The following PTGFRN variants were observed in gnomAD, a reference collection of about 807,000 sequenced individuals.
PTGFRN encodes prostaglandin F2 receptor negative regulator.
A neutral mutation model predicts 83.2 loss-of-function variants in PTGFRN; 35 were observed. The observed-to-expected ratio is 0.42, with a 90% CI of 0.32 to 0.56. The LOEUF is 0.56. Ranked by LOEUF, PTGFRN falls within the 20% of genes least tolerant of loss-of-function variation. The pLI is 0.11. For missense variants in PTGFRN, 1,051 were observed against 1,179.5 expected, an observed-to-expected ratio of 0.89 and a Z score of 1.60; for synonymous variants, 519 against 498.6, an observed-to-expected ratio of 1.04 and a Z score of -0.55.
chr1:116,976,838 A>C (rs537800103), intron 7 of PTGFRN, among the ~76,000 whole-genome samples: 1 of 152,342 alleles, frequency 6.6e-6, no homozygotes, highest in South Asian at 2.1e-4. Context: ...TAACTAGCTA[A>C]CATCATAATG....
Position 116,961,571 on chromosome 1 carries a change from C to T in PTGFRN, c.1542C>T (p.Tyr514=), listed in dbSNP as rs6658749. The T allele has an allele frequency of 3.6e-3, 5,740 of 1,614,186 alleles. 172 individuals are homozygous for T. The African/African-American group carries it at 0.068, about 19-fold the overall frequency. The change falls in exon 5 of 9, where the codon TAC becomes TAT. Residue 514 remains tyrosine, a synonymous_variant. Coordinates refer to ENST00000393203, the MANE Select transcript of PTGFRN (RefSeq NM_020440.4). This position sits in a 1 kb window ranked among gnomAD's most constrained non-coding sequence, Gnocchi z 5.4. ...RTTEEDRGNY[Y]CVVSAWTKQR... Reference sequence around the variant, plus strand: ...CAGAGGAAGACAGAGGCAATTATTACTGTGTTGTGTCTGCCTGGACCAAAC... The same window carrying T: ...CAGAGGAAGACAGAGGCAATTATTATTGTGTTGTGTCTGCCTGGACCAAAC...
chr1:116,940,399 A>G (rs908358991), intron 1 of PTGFRN, among the ~76,000 whole-genome samples: 1 of 152,048 alleles, frequency 6.6e-6, no homozygotes, highest in Non-Finnish European at 1.5e-5. Flanking sequence ...GTGTGTCCAA[A>G]TTACCCACTT....
intron 1 of PTGFRN, among the ~76,000 whole-genome samples, chr1:116,916,833 A>G (rs1649417607): frequency 1.3e-5 from 2 of 152,126 alleles, no homozygotes; most frequent in South Asian, 4.2e-4. Context: ...CATTGTTCTG[A>G]GGATTGCTGT....
intron 4 of PTGFRN, among the ~76,000 whole-genome samples, chr1:116,953,463 C>T (rs569000383): frequency 5.2e-4 from 79 of 152,064 alleles, no homozygotes; most frequent in Middle Eastern, 6.8e-3. Flanking sequence ...TATGTTGCCT[C>T]GGGTGTGTCG....
chr1:116,957,171 GTGTGTT>G (rs1397437952), intron 4 of PTGFRN, among the ~76,000 whole-genome samples: 5 of 150,442 alleles, frequency 3.3e-5, no homozygotes, highest in Middle Eastern at 3.2e-3. Flanking sequence ...GTGTGTGTGT[GTGTGTT>G]TGTGTTTGTG....
intron 1 of PTGFRN, among the ~76,000 whole-genome samples, chr1:116,913,467 G>A (rs1239937266): frequency 6.6e-6 from 1 of 152,010 alleles, no homozygotes; most frequent in African/African-American, 2.4e-5. Context: ...GGGGAGGAAA[G>A]GTGGGTTTGG....
At chr1:116,965,450 A>G (rs1203558302) in intron 5 of PTGFRN, among the ~76,000 whole-genome samples, 5 of 151,860 alleles carry the variant, frequency 3.3e-5, no homozygotes, top group Non-Finnish European at 7.4e-5. Context: ...CTGGCTAATT[A>G]TTTAATTTTA....
At chr1:116,932,613 C>G (rs558403510) in intron 1 of PTGFRN, among the ~76,000 whole-genome samples, 1 of 145,714 alleles carries the variant, frequency 6.9e-6, no homozygotes, top group East Asian at 2.0e-4. Context: ...TTTAACAATC[C>G]AGTTTCTTCT....
intron 6 of PTGFRN, among the ~76,000 whole-genome samples, chr1:116,971,504 C>G (rs1238854279): frequency 6.6e-6 from 1 of 152,208 alleles, no homozygotes; most frequent in Non-Finnish European, 1.5e-5. Flanking sequence ...CATACCCTGT[C>G]ATCTGTGAAG....
intron 4 of PTGFRN, among the ~76,000 whole-genome samples, chr1:116,956,324 C>T (rs1570665443): frequency 6.6e-6 from 1 of 152,156 alleles, no homozygotes; most frequent in African/African-American, 2.4e-5. Flanking sequence ...AATGAAGAGA[C>T]CAACTGTTGA....
intron 1 of PTGFRN, among the ~76,000 whole-genome samples, chr1:116,916,214 G>GC (rs1221605783): frequency 7.2e-5 from 11 of 152,210 alleles, no homozygotes. Context: ...TTTACAAGCA[G>GC]CTGGAATGTG....
Position 116,928,336 on chromosome 1 carries a change from T to C in PTGFRN, c.50-13379T>C, listed in dbSNP as rs189949628. On this transcript the variant is annotated intron_variant, in intron 1 of 8. Transcript: ENST00000393203. ...ATTCCCTCCTATCTGTTGAACCTATTCTTCATCCTAATTGTGATTCCCTGA... is the reference window on the plus strand; with the variant it reads ...ATTCCCTCCTATCTGTTGAACCTATCCTTCATCCTAATTGTGATTCCCTGA... Among the ~76,000 whole-genome samples, 25 of 152,308 alleles carry C rather than the reference T, an allele frequency of 1.6e-4. No homozygotes were observed. The East Asian group carries it at 3.9e-3, about 23-fold the overall frequency.
intron 8 of PTGFRN, 88 bp from the exon 9 acceptor site, chr1:116,986,713 G>A: frequency 1.5e-6 from 2 of 1,328,790 alleles, no homozygotes; most frequent in South Asian, 1.2e-5. Flanking sequence ...GGGAGATCCT[G>A]CTCCAGTGGG....
In PTGFRN at chr1:116,958,517, C is replaced by G. The variant is rs1490285403; in HGVS notation, c.1214-2726C>G. 1.3e-5 allele frequency among the ~76,000 whole-genome samples: 2 copies of G among 152,158 alleles called. No individual in the cohort carries two copies. Among genetic ancestry groups the G allele is most frequent in the Non-Finnish European group, 2.9e-5 (2 of 68,028 alleles). ...ACTAACTTCTTTAAAGCTCTCCCCT[C>G]AGAAATGGGAACTGTGAATAATGAT... On this transcript the variant is annotated intron_variant, in intron 4 of 8. Transcript: ENST00000393203. This position sits in a 1 kb window ranked among gnomAD's most constrained non-coding sequence, Gnocchi z 4.9.
In PTGFRN at chr1:116,987,070, C is replaced by T; in HGVS notation, c.*103C>T. ...AAAGTGTGTTACACTAAAAACCAGT[C>T]CTCTCTAATCTCAGGTGGGACTTGG... On this transcript the variant is annotated 3_prime_UTR_variant, in exon 9 of 9. Transcript: ENST00000393203. 2 of 1,369,452 alleles carry T rather than the reference C, an allele frequency of 1.5e-6. No individual in the cohort carries two copies. Among genetic ancestry groups the T allele is most frequent in the East Asian group, 2.3e-5 (1 of 43,256 alleles). 84.8% of individuals were successfully genotyped at this position (1,369,452 alleles called of 1,614,324 possible).
chr1:116,984,556 T>G, intron 7 of PTGFRN, 124 bp from the exon 8 acceptor site: 12 of 864,734 alleles, frequency 1.4e-5, no homozygotes, highest in Non-Finnish European at 2.0e-5. Context: ...GAGGATCCAG[T>G]GAGACCGAAG....
chr1:116,951,427 C>A (rs541575501), intron 4 of PTGFRN, among the ~76,000 whole-genome samples: 5 of 152,338 alleles, frequency 3.3e-5, no homozygotes, highest in Admixed American at 3.3e-4. Context: ...CTGACTGATG[C>A]TAACAGATAC....
intron 6 of PTGFRN, among the ~76,000 whole-genome samples, chr1:116,969,779 G>T (rs905872046): frequency 3.3e-5 from 5 of 151,992 alleles, no homozygotes; most frequent in Non-Finnish European, 7.4e-5. Context: ...ATGGTGTTTC[G>T]TAGTTTTCAG....
intron 1 of PTGFRN, among the ~76,000 whole-genome samples, chr1:116,931,502 T>TC (rs1233216399): frequency 6.6e-6 from 1 of 151,930 alleles, no homozygotes; most frequent in African/African-American, 2.4e-5. Flanking sequence ...TTTTCTTTTT[T>TC]TTTTTTTTTA....
Sources: gnomAD v4.1 joint callset for allele counts (sites outside exome capture counted in the v4.1 genomes callset) on GRCh38, gnomAD v4.1.1 for gene constraint, Gnocchi (gnomAD v3.1) non-coding constraint, MANE v1.5 for transcripts, NCBI Gene and HGNC (gene_info 2026-07-23, HGNC 2026-07-21) for gene names.